The following TBX21 variants were observed in gnomAD, a reference collection of about 807,000 sequenced individuals.
TBX21 encodes T-box transcription factor TBX21.
Under a neutral mutation model 52.2 loss-of-function variants are expected in TBX21, and 11 were observed. That is an observed-to-expected ratio of 0.21 (90% CI 0.13 to 0.35). TBX21 has a LOEUF of 0.35. TBX21 is among the 10% of genes least tolerant of loss of function. The probability of loss-of-function intolerance (pLI) is 1.00; values close to 1 mark genes in which losing one functional copy is unlikely to be tolerated. For missense variants in TBX21, 625 were observed against 755.1 expected (o/e 0.83, Z 2.02); for synonymous variants, 300 against 316.1 (o/e 0.95, Z 0.54).
At position 47,742,294 on chromosome 17, in the gene TBX21, C is replaced by T; in HGVS notation, c.492-316C>T. 6.6e-6 allele frequency among the ~76,000 whole-genome samples: 1 copy of T among 152,158 alleles called. No homozygotes were observed. Among genetic ancestry groups the T allele is most frequent in the Non-Finnish European group, 1.5e-5 (1 of 68,010 alleles). ...ACGGGGTTTCGCCATGTTGGCCAGG[C>T]TGGTCTCGAACTCCTGACCTCAGGT... On this transcript the variant is annotated intron_variant, in intron 1 of 5. Coordinates refer to ENST00000177694, the MANE Select transcript of TBX21 (RefSeq NM_013351.2). This position sits in a 1 kb window ranked among gnomAD's most constrained non-coding sequence, Gnocchi z 4.4.
At chr17:47,734,091 T>C in intron 1 of TBX21, 146 bp downstream of exon 1, 1 of 1,385,082 alleles carries the variant, frequency 7.2e-7, no homozygotes, top group Non-Finnish European at 9.9e-7. Flanking sequence ...AATGGGGTTG[T>C]TAGGAGGACA....
chr17:47,741,246 C>T (rs570171324), intron 1 of TBX21, among the ~76,000 whole-genome samples: 43 of 150,466 alleles, frequency 2.9e-4, no homozygotes, highest in Non-Finnish European at 5.6e-4. Flanking sequence ...TCGTGGTTAT[C>T]GTGATGGTGG....
intron 5 of TBX21, 27 bp from the exon 6 acceptor site, chr17:47,744,721 G>C: frequency 1.2e-6 from 2 of 1,601,746 alleles, no homozygotes; most frequent in South Asian, 2.2e-5. Context: ...CTTGTGACCC[G>C]TTTTCTTGCC....
At position 47,733,605 on chromosome 17, in the gene TBX21, G is replaced by A; in HGVS notation, c.151G>A (p.Gly51Ser). Residue 51 changes from glycine to serine, a missense_variant, in exon 1 of 6, where the codon GGC becomes AGC. This residue lies in a region of TBX21 where 221 missense variants were observed against 204.9 expected (regional missense o/e 1.08). Transcript: ENST00000177694. This position sits in a 1 kb window ranked among gnomAD's most constrained non-coding sequence, Gnocchi z 6.6. ...GAQDADERRGGGSLGSPYPGG... is the reference protein window; with the variant it reads ...GAQDADERRGSGSLGSPYPGG... ...GCAGGACGCGGACGAGCGTCGCGGG[G>A]GCGGCAGCCTGGGGTCTCCCTACCC... The A allele has an allele frequency of 6.9e-7, 1 of 1,451,372 alleles. No individual in the cohort carries two copies. The highest frequency in any genetic ancestry group is 9.0e-7 in the Non-Finnish European group (1 of 1,110,164). 89.9% of individuals were successfully genotyped at this position (1,451,372 alleles called of 1,614,324 possible). A position where few individuals can be genotyped will look rare whatever the true frequency, so the allele number is the denominator to read the frequency against.
Position 47,745,090 on chromosome 17 carries a change from G to C in TBX21, c.1332G>C (p.Pro444=), listed in dbSNP as rs200867606. 6.2e-7 allele frequency: 1 copy of C among 1,613,700 alleles called. No individual in the cohort carries two copies. Among genetic ancestry groups the C allele is most frequent in the South Asian group, 1.1e-5 (1 of 91,078 alleles). The change falls in exon 6 of 6, where the codon CCG becomes CCC. Residue 444 remains proline, a synonymous_variant. Transcript: ENST00000177694. ...VAPQYPPKMG[P]ASWFRPMRTL... is the part of the protein sequence containing the mutation. ...CCCAGTACCCTCCCAAGATGGGCCC[G>C]GCCAGCTGGTTCCGCCCTATGCGGA...
rs769735512 is a variant in TBX21, at chr17:47,744,853, T to A, written c.1095T>A (p.Val365=). ...CTCTCCTACCCAACCAGTATCCTGT[T>A]CCCAGCCGCTTCTACCCCGACCTTC... ...YSPLLPNQYP[V]PSRFYPDLPG... is the part of the protein sequence containing the mutation. The change falls in exon 6 of 6, where the codon GTT becomes GTA. Residue 365 remains valine, a synonymous_variant. Coordinates refer to ENST00000177694, the MANE Select transcript of TBX21 (RefSeq NM_013351.2). The A allele has an allele frequency of 1.1e-5, 17 of 1,614,182 alleles. No individual in the cohort carries two copies. The South Asian group carries it at 1.3e-4, about 13-fold the overall frequency.
At chr17:47,735,377 A>G (rs1411544318) in intron 1 of TBX21, among the ~76,000 whole-genome samples, 1 of 152,004 alleles carries the variant, frequency 6.6e-6, no homozygotes, top group African/African-American at 2.4e-5. Flanking sequence ...TTCATCTCTT[A>G]AGCCTTCTGA....
chr17:47,733,363 C>T lies in TBX21; in HGVS notation c.-92C>T. ...CCACCCGGCCCTCGGGTCCCCCGCC[C>T]CCTGCTCCCTGCCCATCCCAGCCCA... is the stretch of plus-strand genomic sequence containing the variant. On this transcript the variant is annotated 5_prime_UTR_variant, in exon 1 of 6. Transcript: ENST00000177694. This position sits in a 1 kb window ranked among gnomAD's most constrained non-coding sequence, Gnocchi z 6.6. The T allele has an allele frequency of 7.4e-7, 1 of 1,354,590 alleles. No individual in the cohort carries two copies. The highest frequency in any genetic ancestry group is 9.5e-7 in the Non-Finnish European group (1 of 1,057,678). 83.9% of individuals were successfully genotyped at this position (1,354,590 alleles called of 1,614,324 possible). A position where few individuals can be genotyped will look rare whatever the true frequency, so the allele number is the denominator to read the frequency against.
intron 1 of TBX21, among the ~76,000 whole-genome samples, chr17:47,737,834 C>T (rs1357465091): frequency 6.6e-6 from 1 of 152,094 alleles, no homozygotes; most frequent in African/African-American, 2.4e-5. Flanking sequence ...CCATGTTGGC[C>T]AGGCTGGTCC....
chr17:47,743,287 T>C, intron 3 of TBX21, 95 bp downstream of exon 3: 1 of 1,502,074 alleles, frequency 6.7e-7, no homozygotes, highest in Non-Finnish European at 9.0e-7. Flanking sequence ...CCAGTTTGGT[T>C]CATTTTTTCT....
Position 47,733,416 on chromosome 17 carries a change from G to A in TBX21, c.-39G>A. On this transcript the variant is annotated 5_prime_UTR_variant, in exon 1 of 6. Coordinates refer to ENST00000177694, the MANE Select transcript of TBX21 (RefSeq NM_013351.2). The surrounding 1 kb of genome is among the most constrained non-coding windows in gnomAD (Gnocchi z 6.6). ...CGACCCTCTCGCGCGCGGAGGGGCG[G>A]GTCCTCGACGGCTACGGGAAGGTGC... 1 of 1,449,942 alleles carries A rather than the reference G, an allele frequency of 6.9e-7. No individual in the cohort carries two copies. The allele number at this position is 1,449,942 out of a possible 1,614,324, so 89.8% of individuals were successfully genotyped here.
Position 47,742,780 on chromosome 17 carries a change from G to T in TBX21, c.646+16G>T. On this transcript the variant is annotated intron_variant, in intron 2 of 5. Coordinates refer to ENST00000177694, the MANE Select transcript of TBX21 (RefSeq NM_013351.2). This position sits in a 1 kb window ranked among gnomAD's most constrained non-coding sequence, Gnocchi z 4.4. ...AGCATGCCAGGTGCGCGCGCCCCTG[G>T]GAGCGGTGGGCTCTGTTTCGCTGGG... 6.4e-7 allele frequency: 1 copy of T among 1,551,584 alleles called. No homozygotes were observed.
At chr17:47,735,846 T>C (rs532847015) in intron 1 of TBX21, among the ~76,000 whole-genome samples, 23 of 152,346 alleles carry the variant, frequency 1.5e-4, no homozygotes, top group Middle Eastern at 3.4e-3. Context: ...CACTCTGTTG[T>C]GTGGTCAGGA....
chr17:47,744,577 C>T (rs1003086686), intron 5 of TBX21, 34 bp downstream of exon 5: 5 of 1,613,310 alleles, frequency 3.1e-6, no homozygotes, highest in Non-Finnish European at 4.2e-6. Flanking sequence ...AGCTTTGGTC[C>T]CTCCTGAGAC....
Position 47,744,242 on chromosome 17 carries a change from C to A in TBX21, c.816C>A (p.Ile272=), listed in dbSNP as rs775935049. Residue 272 remains isoleucine (I), a synonymous_variant, in exon 4 of 6, where the codon ATC becomes ATA. Transcript: ENST00000177694. ...SLHKYQPRLH[I]VEVNDGEPEA... is the part of the protein sequence containing the mutation. ...ATAAGTACCAGCCCCGGCTGCATAT[C>A]GTTGAGGTGAACGACGGAGAGCCAG... 6.2e-7 allele frequency: 1 copy of A among 1,614,226 alleles called. No individual in the cohort carries two copies. Among genetic ancestry groups the A allele is most frequent in the South Asian group, 1.1e-5 (1 of 91,086 alleles).
In TBX21 at chr17:47,744,749, A is replaced by T; in HGVS notation, c.991A>T (p.Met331Leu). The T allele has an allele frequency of 6.2e-7, 1 of 1,612,064 alleles. No homozygotes were observed. Among genetic ancestry groups the T allele is most frequent in the Non-Finnish European group, 8.5e-7 (1 of 1,178,810 alleles). ...AKGFRENFES[M>L]YTSVDTSIPS... Reference sequence around the variant, plus strand: ...TTCTTGCCTTCTATTTTTTTCTAGCATGTACACATCTGTTGACACCAGCAT... The same window carrying T: ...TTCTTGCCTTCTATTTTTTTCTAGCTTGTACACATCTGTTGACACCAGCAT... The change falls in exon 6 of 6, where the codon ATG becomes TTG. Residue 331 changes from methionine (M) to leucine (L), a missense_variant and splice_region_variant. Met to Leu is a conservative substitution (Grantham distance 15, BLOSUM62 2). Transcript: ENST00000177694.
chr17:47,741,923 C>T (rs776788846), intron 1 of TBX21, among the ~76,000 whole-genome samples: 7 of 152,126 alleles, frequency 4.6e-5, no homozygotes, highest in Non-Finnish European at 5.9e-5. Flanking sequence ...TCATGTGAGT[C>T]ATTGAACACA....
rs375160447 is a variant in TBX21 at position 47,743,093 on chromosome 17, G to C, written c.669G>C (p.Pro223=). 1 of 1,614,010 alleles carries C rather than the reference G, an allele frequency of 6.2e-7. No homozygotes were observed. The highest frequency in any genetic ancestry group is 8.5e-7 in the Non-Finnish European group (1 of 1,180,012). ...CAGGAAACCGCCTGTACGTCCACCC[G>C]GACTCCCCCAACACAGGAGCGCACT... ...SMPGNRLYVH[P]DSPNTGAHWM... is the part of the protein sequence containing the mutation. The change falls in exon 3 of 6, where the codon CCG becomes CCC. Residue 223 remains proline, a synonymous_variant. Transcript: ENST00000177694.
rs905745376 is a variant in TBX21, at chr17:47,733,512, G to A, written c.58G>A (p.Gly20Arg). Reference protein sequence around the residue: ...DMLTGTEPMPGSDEGRAPGAD... With the variant: ...DMLTGTEPMPRSDEGRAPGAD... Reference sequence around the variant, plus strand: ...GCTGACGGGCACCGAGCCGATGCCGGGGAGCGACGAGGGCCGGGCGCCTGG... The same window carrying A: ...GCTGACGGGCACCGAGCCGATGCCGAGGAGCGACGAGGGCCGGGCGCCTGG... The change falls in exon 1 of 6, where the codon GGG (glycine) becomes AGG (arginine). Residue 20 changes from glycine to arginine, a missense_variant. Physicochemically the swap from Gly to Arg is moderately radical, Grantham distance 125. Coordinates refer to ENST00000177694, the MANE Select transcript of TBX21 (RefSeq NM_013351.2). This position sits in a 1 kb window ranked among gnomAD's most constrained non-coding sequence, Gnocchi z 6.6. 33 of 1,494,448 alleles carry A rather than the reference G, an allele frequency of 2.2e-5. No individual in the cohort carries two copies. Among genetic ancestry groups the A allele is most frequent in the Non-Finnish European group, 2.9e-5 (33 of 1,127,982 alleles). The allele number at this position is 1,494,448 out of a possible 1,614,324, so 92.6% of individuals were successfully genotyped here.
Sources: gnomAD v4.1 joint callset for allele counts (sites outside exome capture counted in the v4.1 genomes callset) on GRCh38, gnomAD v4.1.1 for gene constraint, gnomAD v4.1.1 regional missense constraint, Gnocchi (gnomAD v3.1) non-coding constraint, MANE v1.5 for transcripts, NCBI Gene and HGNC (gene_info 2026-07-23, HGNC 2026-07-21) for gene names.